The following PCDHGA2 variants were observed in gnomAD, a reference collection of about 807,000 sequenced individuals.
PCDHGA2 encodes protocadherin gamma subfamily A, 2.
PCDHGA2 carries 40 observed loss-of-function variants against 59.2 expected under a neutral mutation model. That is an observed-to-expected ratio of 0.68 (90% confidence interval 0.52 to 0.88). The LOEUF (loss-of-function observed/expected upper bound fraction) is 0.88, where lower values mean the gene tolerates loss of function less well. PCDHGA2 is among the 40% of genes least tolerant of loss of function. The probability of loss-of-function intolerance (pLI) is 0.00; values close to 1 mark genes in which losing one functional copy is unlikely to be tolerated. For synonymous variants in PCDHGA2, 560 were observed against 526.0 expected, an observed-to-expected ratio of 1.06 and a Z score of -0.89; for missense variants, 1,226 against 1,204.0, an observed-to-expected ratio of 1.02 and a Z score of -0.27.
intron 1 of PCDHGA2, chr5:141,355,804 C>G: frequency 6.2e-7 from 1 of 1,613,356 alleles, no homozygotes; most frequent in Non-Finnish European, 8.5e-7. Flanking sequence ...CGCTCTAGAT[C>G]GCGAGGAAGA....
chr5:141,454,857 G>C (rs1365819097), intron 1 of PCDHGA2, among the ~76,000 whole-genome samples: 2 of 131,566 alleles, frequency 1.5e-5, no homozygotes, highest in African/African-American at 6.0e-5. Context: ...ACCCAGGCTG[G>C]AGTGCAGTGG....
At chr5:141,383,382 T>C in intron 1 of PCDHGA2, 1 of 1,614,050 alleles carries the variant, frequency 6.2e-7, no homozygotes, top group East Asian at 2.2e-5. Context: ...GGGATCCAGA[T>C]GTGGGCACGA....
rs756761584 is a variant in PCDHGA2 at position 141,476,545 on chromosome 5, G to A, written c.2425-18262G>A. 13 of 1,614,230 alleles carry A rather than the reference G, an allele frequency of 8.1e-6. No homozygotes were observed. The Admixed American group carries it at 2.2e-4, about 27-fold the overall frequency. On this transcript the variant is annotated intron_variant, in intron 1 of 3. Coordinates refer to ENST00000394576, the MANE Select transcript of PCDHGA2 (RefSeq NM_018915.4). This position sits in a 1 kb window ranked among gnomAD's most constrained non-coding sequence, Gnocchi z 7.6. ...TCCCTACCCAGGAAATGAAATTGGA[G>A]ATTAGCGAGGCCGTGGCTCCGGGGA...
chr5:141,467,015 T>C (rs1423064392), intron 1 of PCDHGA2, among the ~76,000 whole-genome samples: 1 of 152,072 alleles, frequency 6.6e-6, no homozygotes. Flanking sequence ...GCAATTTTTT[T>C]CCCTTTGTTT....
chr5:141,449,930 A>G (rs1353778264), intron 1 of PCDHGA2, among the ~76,000 whole-genome samples: 1 of 151,614 alleles, frequency 6.6e-6, no homozygotes, highest in East Asian at 1.9e-4. Context: ...ACCATACCTT[A>G]TAGTATATTT....
At chr5:141,427,946 T>A (rs769401863) in intron 1 of PCDHGA2, 1 of 1,586,550 alleles carries the variant, frequency 6.3e-7, no homozygotes, top group Middle Eastern at 1.7e-4. Flanking sequence ...GCGACCTCAA[T>A]GACAATGTGC....
chr5:141,397,965 C>G (rs2093591451), intron 1 of PCDHGA2: 3 of 1,077,486 alleles, frequency 2.8e-6, no homozygotes, highest in South Asian at 1.7e-5. Context: ...AGCTCAGACT[C>G]CCCAGCGCCG....
At chr5:141,430,878 A>G in intron 1 of PCDHGA2, 1 of 1,600,748 alleles carries the variant, frequency 6.2e-7, no homozygotes, top group Admixed American at 1.8e-5. Context: ...GAAGAGCTGG[A>G]GAAAGGCTCT....
chr5:141,488,681 C>G, intron 1 of PCDHGA2, among the ~76,000 whole-genome samples: 1 of 152,204 alleles, frequency 6.6e-6, no homozygotes, highest in East Asian at 1.9e-4. Flanking sequence ...GGCTTTGCCT[C>G]TCCCAGAAGG....
In PCDHGA2 at chr5:141,430,720, T is replaced by C. The variant is rs369549088; in HGVS notation, c.2425-64087T>C. On this transcript the variant is annotated intron_variant, in intron 1 of 3. Transcript: ENST00000394576. ...AAGGAACTGCTCCTGACTTCAGTGG[T>C]TAAGGGCAGAATTGAAAATAATTCT... The C allele has an allele frequency of 4.9e-4, 734 of 1,486,386 alleles. 1 individual carries two copies. Among genetic ancestry groups the C allele is most frequent in the Middle Eastern group, 9.1e-4 (5 of 5,506 alleles). The allele number at this position is 1,486,386 out of a possible 1,614,324, so 92.1% of individuals were successfully genotyped here.
intron 1 of PCDHGA2, chr5:141,378,833 C>T (rs1224132304): frequency 6.6e-6 from 1 of 152,128 alleles, no homozygotes; most frequent in East Asian, 1.9e-4. Context: ...GAACAGAAAA[C>T]AGCAGAGTTT....
chr5:141,403,302 A>G (rs1195717654), intron 1 of PCDHGA2: 1 of 1,613,904 alleles, frequency 6.2e-7, no homozygotes, highest in East Asian at 2.2e-5. Flanking sequence ...GTGAAACTGT[A>G]CGGAATAGAA....
At chr5:141,418,603 G>A (rs769167342) in intron 1 of PCDHGA2, 7 of 1,613,902 alleles carry the variant, frequency 4.3e-6, no homozygotes, top group East Asian at 4.5e-5. Context: ...ACGTGTACAG[G>A]GTTAGCCTTC....
At chr5:141,418,568 G>A (rs769914679) in intron 1 of PCDHGA2, 62 of 1,613,902 alleles carry the variant, frequency 3.8e-5, no homozygotes, top group Non-Finnish European at 5.2e-5. Context: ...AGATGCCAAT[G>A]ACAACCCCCC....
At position 141,477,401 on chromosome 5, in the gene PCDHGA2, G is replaced by T. The variant is rs781253466; in HGVS notation, c.2425-17406G>T. On this transcript the variant is annotated intron_variant, in intron 1 of 3. Coordinates refer to ENST00000394576, the MANE Select transcript of PCDHGA2 (RefSeq NM_018915.4). The surrounding 1 kb of genome is among the most constrained non-coding windows in gnomAD (Gnocchi z 4.9). ...GCCAGAATACAACCTCAGCATCACC[G>T]CCCGAGACGCCGGAACCCCTTCCCT... 8 of 1,613,960 alleles carry T rather than the reference G, an allele frequency of 5.0e-6. No homozygotes were observed. The highest frequency in any genetic ancestry group is 4.5e-5 in the East Asian group (2 of 44,890).
chr5:141,416,532 A>T (rs3806830), intron 1 of PCDHGA2: 1 of 152,142 alleles, frequency 6.6e-6, no homozygotes, highest in Non-Finnish European at 1.5e-5. Context: ...TCTTTAATGT[A>T]TAAGGAGGCA....
At chr5:141,381,071 G>T (rs1343917347) in intron 1 of PCDHGA2, among the ~76,000 whole-genome samples, 1 of 152,172 alleles carries the variant, frequency 6.6e-6, no homozygotes, top group Non-Finnish European at 1.5e-5. Context: ...GATAACTATG[G>T]ATTATTTTGA....
At chr5:141,356,667 C>CGG in intron 1 of PCDHGA2, 1 of 1,614,038 alleles carries the variant, frequency 6.2e-7, no homozygotes, top group Non-Finnish European at 8.5e-7. Context: ...GAATCACTTA[C>CGG]TCCCTGGCCG....
At position 141,432,851 on chromosome 5, in the gene PCDHGA2, G is replaced by T. The variant is rs561153330; in HGVS notation, c.2425-61956G>T. 8 of 1,614,198 alleles carry T rather than the reference G, an allele frequency of 5.0e-6. No homozygotes were observed. In the African/African-American group the frequency reaches 9.3e-5, roughly 19 times the overall value. ...CACTCTGTACCTGGTGGTAGCGGTG[G>T]CCGCGGTCTCCTGCGTCTTCCTGGC... On this transcript the variant is annotated intron_variant, in intron 1 of 3. Transcript: ENST00000394576. This position sits in a 1 kb window ranked among gnomAD's most constrained non-coding sequence, Gnocchi z 6.0.
Sources: gnomAD v4.1 joint callset for allele counts (sites outside exome capture counted in the v4.1 genomes callset) on GRCh38, gnomAD v4.1.1 for gene constraint, Gnocchi (gnomAD v3.1) non-coding constraint, MANE v1.5 for transcripts, NCBI Gene and HGNC (gene_info 2026-07-23, HGNC 2026-07-21) for gene names.